The following PREP variants were observed in gnomAD, a reference collection of about 807,000 sequenced individuals.
PREP encodes the protein dJ355L5.1 (prolyl endopeptidase).
In PREP, 29 loss-of-function variants were observed where a neutral mutation model predicts 87.6. The observed-to-expected ratio is 0.33, with a 90% CI of 0.25 to 0.45. The LOEUF (loss-of-function observed/expected upper bound fraction) is 0.45. PREP is among the 20% of genes least tolerant of loss of function. The probability of loss-of-function intolerance (pLI) is 1.00; values close to 1 mark genes in which losing one functional copy is unlikely to be tolerated. For missense variants in PREP, 695 were observed against 886.5 expected (o/e 0.78, Z 2.74); for synonymous variants, 337 against 328.6 (o/e 1.03, Z -0.28).
At chr6:105,315,760 C>A (rs941678939) in intron 10 of PREP, among the ~76,000 whole-genome samples, 1 of 152,230 alleles carries the variant, frequency 6.6e-6, no homozygotes, top group African/African-American at 2.4e-5. Context: ...CTTGCTGCAG[C>A]TTCTACATCA....
At chr6:105,280,043 A>G (rs904885172) in intron 14 of PREP, among the ~76,000 whole-genome samples, 3 of 152,176 alleles carry the variant, frequency 2.0e-5, no homozygotes, top group Admixed American at 2.0e-4. Context: ...AATAGAGTTT[A>G]GTAAAGTATC....
At chr6:105,310,009 G>A (rs145123433) in intron 10 of PREP, among the ~76,000 whole-genome samples, 4 of 152,230 alleles carry the variant, frequency 2.6e-5, no homozygotes, top group Non-Finnish European at 5.9e-5. Context: ...CAAAAGCTAT[G>A]GAAAGCCTTG....
At chr6:105,337,705 G>A (rs79695738) in intron 7 of PREP, among the ~76,000 whole-genome samples, 2,310 of 152,188 alleles carry the variant, frequency 0.015, 58 homozygotes, top group African/African-American at 0.053. Context: ...TGGTCTTTAT[G>A]GATTCCCTTC....
At chr6:105,375,506 G>A (rs546913815) in intron 4 of PREP, among the ~76,000 whole-genome samples, 7 of 152,258 alleles carry the variant, frequency 4.6e-5, no homozygotes, top group South Asian at 2.1e-4. Context: ...TATGGCCTAC[G>A]GAGGAGGTTA....
chr6:105,336,967 A>AT (rs138564056), intron 7 of PREP, among the ~76,000 whole-genome samples: 3,540 of 149,254 alleles, frequency 0.024, 123 homozygotes, highest in African/African-American at 0.081. Context: ...GTTAATAATC[A>AT]TTTTTTTTTT....
intron 12 of PREP, 67 bp downstream of exon 12, chr6:105,285,419 G>T: frequency 6.7e-7 from 1 of 1,496,546 alleles, no homozygotes; most frequent in Non-Finnish European, 9.3e-7. Flanking sequence ...CATTCAAACA[G>T]GAAGGATCAG....
At chr6:105,388,092 G>A (rs889738580) in intron 2 of PREP, among the ~76,000 whole-genome samples, 12 of 152,122 alleles carry the variant, frequency 7.9e-5, no homozygotes, top group African/African-American at 2.9e-4. Flanking sequence ...TGCTCCCTCC[G>A]TAGCGCCCTC....
At chr6:105,336,711 G>C (rs1242259888) in intron 7 of PREP, among the ~76,000 whole-genome samples, 2 of 152,158 alleles carry the variant, frequency 1.3e-5, no homozygotes, top group South Asian at 4.1e-4. Context: ...CCTTCAAACA[G>C]GCATTTTCCC....
intron 7 of PREP, among the ~76,000 whole-genome samples, chr6:105,347,414 A>C (rs1771827890): frequency 6.6e-6 from 1 of 152,250 alleles, no homozygotes; most frequent in Non-Finnish European, 1.5e-5. Context: ...GTACTCCTAC[A>C]TTTTAAACTG....
chr6:105,329,924 T>C (rs1181468307), intron 8 of PREP, among the ~76,000 whole-genome samples: 1 of 151,798 alleles, frequency 6.6e-6, no homozygotes, highest in Non-Finnish European at 1.5e-5. Flanking sequence ...GGGAAATGGG[T>C]GCTAGCAAGA....
At chr6:105,330,076 T>C (rs1164591658) in intron 8 of PREP, among the ~76,000 whole-genome samples, 3 of 152,190 alleles carry the variant, frequency 2.0e-5, no homozygotes, top group African/African-American at 7.2e-5. Context: ...AGATCCGTTT[T>C]CAAGAGGAAG....
At chr6:105,343,870 C>A (rs1212231865) in intron 7 of PREP, among the ~76,000 whole-genome samples, 9 of 152,066 alleles carry the variant, frequency 5.9e-5, no homozygotes, top group African/African-American at 1.4e-4. Flanking sequence ...GTCAGGAAAC[C>A]ACAGGTGCTG....
At chr6:105,395,632 T>G (rs1467552855) in intron 2 of PREP, among the ~76,000 whole-genome samples, 3 of 152,200 alleles carry the variant, frequency 2.0e-5, no homozygotes, top group African/African-American at 7.2e-5. Context: ...AATTAGCAGT[T>G]TCATCCACTA....
In PREP at chr6:105,302,324, C is replaced by T. The variant is rs141100410; in HGVS notation, c.1318-13430G>A. 1,565 of 177,186 alleles carry T rather than the reference C, an allele frequency of 8.8e-3. 10 individuals are homozygous for T. The highest frequency in any genetic ancestry group is 0.019 in the South Asian group (139 of 7,460). 11.0% of individuals were successfully genotyped at this position (177,186 alleles called of 1,614,324 possible). ...GAGAACCACATGATGAGTCCATCAT[C>T]AGAGGGTTATGAGTTCTGCATTGTT... On this transcript the variant is annotated intron_variant, in intron 10 of 14. Coordinates refer to ENST00000652536, the MANE Select transcript of PREP (RefSeq NM_002726.5).
intron 6 of PREP, among the ~76,000 whole-genome samples, chr6:105,366,543 T>C (rs1772388841): frequency 6.6e-6 from 1 of 152,254 alleles, no homozygotes; most frequent in South Asian, 2.1e-4. Context: ...ATCTGAACTA[T>C]TTAAATTTGC....
chr6:105,383,315 A>T (rs981027830), intron 2 of PREP, among the ~76,000 whole-genome samples: 1 of 151,956 alleles, frequency 6.6e-6, no homozygotes, highest in Non-Finnish European at 1.5e-5. Flanking sequence ...TACAAAAATC[A>T]GCAGCCCATC....
In PREP at chr6:105,274,146, G is replaced by A. The variant is rs1769889105; in HGVS notation, c.*3998C>T. ...TATAAGAAAATACCATAAACTGGTG[G>A]GTTGTCAACAACAGAAATTGCTCTC... On this transcript the variant is annotated 3_prime_UTR_variant, in exon 15 of 15. Coordinates refer to ENST00000652536, the MANE Select transcript of PREP (RefSeq NM_002726.5). Among the ~76,000 whole-genome samples, 1 of 152,062 alleles carries A rather than the reference G, an allele frequency of 6.6e-6. No homozygotes were observed. The highest frequency in any genetic ancestry group is 6.6e-5 in the Admixed American group (1 of 15,258).
chr6:105,395,168 T>A (rs897062060), intron 2 of PREP, among the ~76,000 whole-genome samples: 1 of 152,112 alleles, frequency 6.6e-6, no homozygotes, highest in Non-Finnish European at 1.5e-5. Flanking sequence ...ATTTAAAAAA[T>A]ATATATATTT....
At chr6:105,327,363 GCTTCT>G (rs1771192918) in intron 9 of PREP, among the ~76,000 whole-genome samples, 1 of 152,144 alleles carries the variant, frequency 6.6e-6, no homozygotes, top group South Asian at 2.1e-4. Context: ...TCACTTCCTG[GCTTCT>G]GGCCCTTGCA....
Sources: allele counts gnomAD v4.1 joint callset (sites outside exome capture counted in the v4.1 genomes callset), GRCh38; gene constraint gnomAD v4.1.1; transcripts MANE v1.5; gene names NCBI Gene and HGNC (gene_info 2026-07-23, HGNC 2026-07-21).